The following ZCCHC7 variants were observed in gnomAD, a reference collection of about 807,000 sequenced individuals.
The protein encoded by ZCCHC7 is zinc finger CCHC domain-containing protein 7.
ZCCHC7 carries 35 observed loss-of-function variants against 52.0 expected under a neutral mutation model. That is an observed-to-expected ratio of 0.67 (90% CI 0.51 to 0.89). ZCCHC7 has a LOEUF of 0.89. Ranked by LOEUF, ZCCHC7 falls within the 40% of genes least tolerant of loss-of-function variation. The probability of loss-of-function intolerance (pLI) is 0.00; values close to 1 mark genes in which losing one functional copy is unlikely to be tolerated. For missense variants in ZCCHC7, 574 were observed against 649.1 expected, an observed-to-expected ratio of 0.88 and a Z score of 1.26; for synonymous variants, 217 against 221.5, an observed-to-expected ratio of 0.98 and a Z score of 0.18.
chr9:37,262,364 G>A (rs1028015210), intron 2 of ZCCHC7, among the ~76,000 whole-genome samples: 1 of 151,964 alleles, frequency 6.6e-6, no homozygotes, highest in Non-Finnish European at 1.5e-5. Context: ...TGAGGGGGCA[G>A]GAACTTTAGC....
rs920825269 is a variant in ZCCHC7, at chr9:37,120,592, C to G, written c.-53C>G. The G allele has an allele frequency of 7.5e-6, 3 of 398,888 alleles. 1 individual carries two copies. The South Asian group carries it at 3.8e-4, about 51-fold the overall frequency. 24.7% of individuals were successfully genotyped at this position (398,888 alleles called of 1,614,324 possible). On this transcript the variant is annotated 5_prime_UTR_variant, in exon 1 of 9. Transcript: ENST00000336755. ...CCCGTCCCTCTACGCGTTTTGGTTC[C>G]CGGTTGGTGCTTCCTGTTCGCAGCT...
chr9:37,250,903 AC>A (rs768977242), intron 2 of ZCCHC7, among the ~76,000 whole-genome samples: 5 of 152,164 alleles, frequency 3.3e-5, no homozygotes, highest in African/African-American at 7.2e-5. Context: ...TGATCAGCTG[AC>A]CTATTGGTGG....
At chr9:37,253,253 T>G (rs1334299989) in intron 2 of ZCCHC7, among the ~76,000 whole-genome samples, 3 of 151,380 alleles carry the variant, frequency 2.0e-5, no homozygotes, top group Non-Finnish European at 4.4e-5. Flanking sequence ...ATCATCATAG[T>G]TTTTTTTTAA....
intron 2 of ZCCHC7, among the ~76,000 whole-genome samples, chr9:37,252,748 C>G (rs960055605): frequency 1.3e-5 from 2 of 152,180 alleles, no homozygotes; most frequent in African/African-American, 4.8e-5. Context: ...ATACTGCTTT[C>G]TCACCTGTTG....
At chr9:37,154,672 T>TA (rs1187965357) in intron 2 of ZCCHC7, among the ~76,000 whole-genome samples, 5 of 133,700 alleles carry the variant, frequency 3.7e-5, no homozygotes, top group Non-Finnish European at 6.7e-5. Context: ...TGTTTTTTTT[T>TA]TAAATAGGGA....
At chr9:37,183,675 A>T (rs975647626) in intron 2 of ZCCHC7, among the ~76,000 whole-genome samples, 5 of 152,256 alleles carry the variant, frequency 3.3e-5, no homozygotes, top group Non-Finnish European at 7.3e-5. Flanking sequence ...CAATGCTAAT[A>T]GCAAATATTT....
At chr9:37,152,031 T>A (rs1820558418) in intron 2 of ZCCHC7, among the ~76,000 whole-genome samples, 1 of 152,174 alleles carries the variant, frequency 6.6e-6, no homozygotes, top group Admixed American at 6.5e-5. Flanking sequence ...AGTTTTCTAA[T>A]CTGATCTGGC....
In ZCCHC7 at chr9:37,120,623, A is replaced by C. The variant is rs1842262519; in HGVS notation, c.-22A>C. On this transcript the variant is annotated splice_region_variant and 5_prime_UTR_variant, in exon 1 of 9. Coordinates refer to ENST00000336755, the MANE Select transcript of ZCCHC7 (RefSeq NM_032226.3). ...GGTGCTTCCTGTTCGCAGCTGCGGC[A>C]GTGAGTATGTGTGTGACGGACCCCC... 1 of 397,588 alleles carries C rather than the reference A, an allele frequency of 2.5e-6. No homozygotes were observed. The highest frequency in any genetic ancestry group is 1.3e-4 in the South Asian group (1 of 7,868). The allele number at this position is 397,588 out of a possible 1,614,324, so 24.6% of individuals were successfully genotyped here.
chr9:37,208,178 G>A (rs1824022737), intron 2 of ZCCHC7, among the ~76,000 whole-genome samples: 1 of 152,048 alleles, frequency 6.6e-6, no homozygotes, highest in African/African-American at 2.4e-5. Context: ...TCGACCTCCT[G>A]GGCTCAGGTG....
chr9:37,163,508 C>T (rs1336904343), intron 2 of ZCCHC7, among the ~76,000 whole-genome samples: 3 of 152,116 alleles, frequency 2.0e-5, no homozygotes, highest in Non-Finnish European at 2.9e-5. Context: ...CTTGCTAACC[C>T]TACGAACAGT....
intron 2 of ZCCHC7, among the ~76,000 whole-genome samples, chr9:37,236,814 GA>G (rs989076355): frequency 7.9e-5 from 12 of 152,164 alleles, no homozygotes; most frequent in Admixed American, 1.3e-4. Flanking sequence ...AAGCTAAGTT[GA>G]AAAATCATTT....
At chr9:37,208,650 A>G (rs1824049012) in intron 2 of ZCCHC7, among the ~76,000 whole-genome samples, 1 of 152,180 alleles carries the variant, frequency 6.6e-6, no homozygotes, top group Non-Finnish European at 1.5e-5. Flanking sequence ...AAAACTTGTC[A>G]CTTTAAGCCT....
intron 2 of ZCCHC7, among the ~76,000 whole-genome samples, chr9:37,182,320 CT>C (rs1370881351): frequency 1.3e-5 from 2 of 150,834 alleles, no homozygotes; most frequent in Admixed American, 6.6e-5. Context: ...TTTTACATAT[CT>C]TCTAATGATT....
At chr9:37,346,541 TG>T (rs1014313863) in intron 6 of ZCCHC7, among the ~76,000 whole-genome samples, 1 of 152,078 alleles carries the variant, frequency 6.6e-6, no homozygotes, top group African/African-American at 2.4e-5. Context: ...CTGGGCATGG[TG>T]GCAAGCACCT....
At chr9:37,216,789 A>G (rs1422185688) in intron 2 of ZCCHC7, among the ~76,000 whole-genome samples, 1 of 152,234 alleles carries the variant, frequency 6.6e-6, no homozygotes, top group Non-Finnish European at 1.5e-5. Context: ...TAGAACAGCC[A>G]GAAAACGGAA....
chr9:37,152,090 A>T (rs570946627), intron 2 of ZCCHC7, among the ~76,000 whole-genome samples: 1 of 152,348 alleles, frequency 6.6e-6, no homozygotes, highest in African/African-American at 2.4e-5. Flanking sequence ...AGTATGTAGT[A>T]GAAAGAGATT....
intron 2 of ZCCHC7, among the ~76,000 whole-genome samples, chr9:37,140,367 A>T (rs1843168440): frequency 6.6e-6 from 1 of 152,036 alleles, no homozygotes. Context: ...TTGCTTAAAA[A>T]ATGATACAAA....
At chr9:37,306,222 C>T (rs1232726053) in intron 5 of ZCCHC7, among the ~76,000 whole-genome samples, 1 of 151,518 alleles carries the variant, frequency 6.6e-6, no homozygotes, top group Non-Finnish European at 1.5e-5. Context: ...AGCATGCCAA[C>T]ACTCCTGGCT....
chr9:37,340,042 G>A (rs1332199955), intron 6 of ZCCHC7, among the ~76,000 whole-genome samples: 2 of 152,158 alleles, frequency 1.3e-5, no homozygotes, highest in Admixed American at 6.6e-5. Flanking sequence ...AGTGAAGGGA[G>A]TAAGGCCAGT....
Sources: gnomAD v4.1 joint callset for allele counts (sites outside exome capture counted in the v4.1 genomes callset) on GRCh38, gnomAD v4.1.1 for gene constraint, MANE v1.5 for transcripts, NCBI Gene and HGNC (gene_info 2026-07-23, HGNC 2026-07-21) for gene names.